Variants in CABIN1 observed in about 807,000 individuals in gnomAD.
CABIN1 encodes the protein calcineurin binding protein 1.
Under a neutral mutation model 227.7 loss-of-function variants are expected in CABIN1, and 133 were observed. That is an observed-to-expected ratio of 0.58 (90% CI 0.51 to 0.67). The LOEUF is 0.67. Among genes scored for constraint, CABIN1 ranks in the 30% least tolerant of loss-of-function variants. The pLI, the probability that CABIN1 is intolerant of heterozygous loss-of-function variation, is 0.00. For missense variants in CABIN1, 2,408 were observed against 2,852.5 expected (o/e 0.84, Z 3.55); for synonymous variants, 1,086 against 1,155.1 (o/e 0.94, Z 1.21).
At chr22:24,041,625 G>A (rs2037381374) in intron 5 of CABIN1, among the ~76,000 whole-genome samples, 3 of 152,198 alleles carry the variant, frequency 2.0e-5, no homozygotes, top group Non-Finnish European at 4.4e-5. Flanking sequence ...AAAGTTAAAT[G>A]AGTTGGTATG....
In CABIN1 at chr22:24,136,347, C is replaced by CTTT. The variant is rs71184947; in HGVS notation, c.4746+1953_4746+1955dup. Among the ~76,000 whole-genome samples, 149 of 113,190 alleles carry CTTT rather than the reference C, an allele frequency of 1.3e-3. 1 individual carries two copies. The highest frequency in any genetic ancestry group is 2.8e-3 in the African/African-American group (73 of 26,216). The allele number at this position is 113,190 out of a possible 152,430, so 74.3% of individuals were successfully genotyped here. A position where few individuals can be genotyped will look rare whatever the true frequency, so the allele number is the denominator to read the frequency against. On this transcript the variant is annotated intron_variant, in intron 29 of 36. Coordinates refer to ENST00000263119, the MANE Select transcript of CABIN1 (RefSeq NM_012295.4). ...CCCACAGTTTACCTAGCCATCCCTC[C>CTTT]TTTTTTTTTTTTTTTTTTTTTTTGA... is the stretch of plus-strand genomic sequence containing the variant.
At chr22:24,063,234 G>T in intron 14 of CABIN1, 88 bp downstream of exon 14, 1 of 1,265,974 alleles carries the variant, frequency 7.9e-7, no homozygotes, top group Non-Finnish European at 1.1e-6. Flanking sequence ...GTGTGTGTGT[G>T]TATGTGTGTG....
intron 29 of CABIN1, among the ~76,000 whole-genome samples, chr22:24,147,993 T>A (rs2045256979): frequency 6.6e-6 from 1 of 152,144 alleles, no homozygotes; most frequent in Non-Finnish European, 1.5e-5. Context: ...AGGAAGAGGC[T>A]GAGGGAGGGC....
intron 29 of CABIN1, among the ~76,000 whole-genome samples, chr22:24,143,161 GTA>G (rs778749220): frequency 3.3e-5 from 5 of 152,184 alleles, no homozygotes; most frequent in Non-Finnish European, 7.3e-5. Context: ...ACTTCACTAT[GTA>G]TAGTGTGGAA....
At chr22:24,131,974 G>A (rs2044101938) in intron 28 of CABIN1, among the ~76,000 whole-genome samples, 2 of 151,596 alleles carry the variant, frequency 1.3e-5, no homozygotes, top group Non-Finnish European at 2.9e-5. Context: ...GCTGAAGCAG[G>A]AGAATCACTT....
At chr22:24,118,571 G>A (rs567065483) in intron 27 of CABIN1, among the ~76,000 whole-genome samples, 41 of 152,278 alleles carry the variant, frequency 2.7e-4, no homozygotes, top group Middle Eastern at 3.4e-3. Flanking sequence ...GGCGTGCCGT[G>A]CTCCTGAGTG....
intron 15 of CABIN1, among the ~76,000 whole-genome samples, chr22:24,066,561 A>G (rs2039693392): frequency 6.6e-6 from 1 of 152,242 alleles, no homozygotes; most frequent in Admixed American, 6.5e-5. Context: ...AGAGCTGTCT[A>G]CATGCCAGGG....
intron 1 of CABIN1, among the ~76,000 whole-genome samples, chr22:24,017,839 A>G (rs925775575): frequency 5.3e-5 from 8 of 150,392 alleles, no homozygotes; most frequent in African/African-American, 2.0e-4. Context: ...CCTTTCGACT[A>G]TTGTAAGTAA....
Position 24,178,102 on chromosome 22 carries a change from T to C in CABIN1, c.6569T>C (p.Leu2190Pro), listed in dbSNP as rs760200994. 1.2e-6 allele frequency: 2 copies of C among 1,613,740 alleles called. No homozygotes were observed. Among genetic ancestry groups the C allele is most frequent in the Non-Finnish European group, 1.7e-6 (2 of 1,179,950 alleles). Residue 2190 changes from leucine to proline, a missense_variant, in exon 37 of 37, where the codon CTA becomes CCA. Physicochemically the swap from Leu to Pro is moderately conservative, Grantham distance 98 (BLOSUM62 -3). Transcript: ENST00000263119. The stretch of plus-strand genomic sequence containing the variant: ...GCTGCCAACGTGAGGAAGGAGAGCC[T>C]ATGCCAGCCAGCCCTGGAGGTCCTG... ...QSAANVRKES[L>P]CQPALEVLET...
At chr22:24,091,309 A>AG (rs2041526450) in intron 23 of CABIN1, among the ~76,000 whole-genome samples, 1 of 152,146 alleles carries the variant, frequency 6.6e-6, no homozygotes, top group Non-Finnish European at 1.5e-5. Flanking sequence ...TAGATGCTGC[A>AG]GGGGGAAAGC....
Position 24,091,761 on chromosome 22 carries a change from A to G in CABIN1, c.3704A>G (p.His1235Arg), listed in dbSNP as rs2041558884. Reference sequence around the variant, plus strand: ...TTGCTGCACTACAGGCAGGCTGGCCACTACCTGCACGAGGAGGCTGCCCGC... The same window carrying G: ...TTGCTGCACTACAGGCAGGCTGGCCGCTACCTGCACGAGGAGGCTGCCCGC... Reference protein sequence around the residue: ...VYLLHYRQAGHYLHEEAARYP... With the variant: ...VYLLHYRQAGRYLHEEAARYP... The change falls in exon 24 of 37, where the codon CAC (histidine) becomes CGC (arginine). Residue 1235 changes from histidine to arginine, a missense_variant. His to Arg is a conservative substitution (Grantham distance 29). Around this residue, in one of 3 missense-constraint regions of CABIN1, gnomAD observed 649 missense variants for 910.3 expected, o/e 0.71. Transcript: ENST00000263119. The G allele has an allele frequency of 1.2e-6, 2 of 1,614,012 alleles. No homozygotes were observed. Among genetic ancestry groups the G allele is most frequent in the Non-Finnish European group, 1.7e-6 (2 of 1,180,004 alleles).
intron 26 of CABIN1, among the ~76,000 whole-genome samples, chr22:24,110,663 A>T (rs950854851): frequency 3.3e-5 from 5 of 151,518 alleles, no homozygotes; most frequent in Admixed American, 6.6e-5. Flanking sequence ...CAATTTTTAG[A>T]TATTTTCACT....
intron 29 of CABIN1, among the ~76,000 whole-genome samples, chr22:24,149,990 C>T (rs1357778273): frequency 6.6e-6 from 1 of 152,250 alleles, no homozygotes; most frequent in African/African-American, 2.4e-5. Context: ...GGGGAAGGAA[C>T]CTGGCCCTGC....
chr22:24,083,407 G>T lies in CABIN1; in HGVS notation c.2910+18G>T. ...CCCAGCAGGTGAGGGTGCTGCAATA[G>T]GCCCAACAAAGAGGGAAGCAGGAGC... On this transcript the variant is annotated intron_variant, in intron 20 of 36. Coordinates refer to ENST00000263119, the MANE Select transcript of CABIN1 (RefSeq NM_012295.4). The T allele has an allele frequency of 1.9e-6, 3 of 1,613,636 alleles. No individual in the cohort carries two copies. The highest frequency in any genetic ancestry group is 2.5e-6 in the Non-Finnish European group (3 of 1,179,912).
In CABIN1 at chr22:24,059,415, T is replaced by A. The variant is rs192376806; in HGVS notation, c.1399+52T>A. 4.0e-5 allele frequency: 64 copies of A among 1,599,330 alleles called. No homozygotes were observed. The East Asian group carries it at 1.4e-3, about 34-fold the overall frequency. ...ACTTTGGGAATTCTTCTTCCCACTA[T>A]CCTATAACCTGCTTATGTTTTGTTC... On this transcript the variant is annotated intron_variant, in intron 11 of 36. Transcript: ENST00000263119.
intron 26 of CABIN1, 196 bp downstream of exon 26, chr22:24,098,388 G>T: frequency 8.2e-7 from 1 of 1,214,972 alleles, no homozygotes; most frequent in Non-Finnish European, 1.1e-6. Flanking sequence ...GCTCAGGGTC[G>T]CCACCTGCCA....
intron 33 of CABIN1, among the ~76,000 whole-genome samples, chr22:24,170,668 G>T (rs1254531239): frequency 6.6e-6 from 1 of 151,554 alleles, no homozygotes; most frequent in Non-Finnish European, 1.5e-5. Flanking sequence ...ACAGGGGCCC[G>T]TCCTGAACCA....
chr22:24,029,436 C>T (rs1446708157), intron 1 of CABIN1, among the ~76,000 whole-genome samples: 1 of 152,140 alleles, frequency 6.6e-6, no homozygotes, highest in African/African-American at 2.4e-5. Flanking sequence ...TTTGCAGTCC[C>T]AGCTACTGAG....
chr22:24,022,443 G>T (rs1257277896), intron 1 of CABIN1, among the ~76,000 whole-genome samples: 1 of 152,138 alleles, frequency 6.6e-6, no homozygotes, highest in Non-Finnish European at 1.5e-5. Flanking sequence ...TATATCAATT[G>T]TTTGTTCCTT....
Sources: allele counts gnomAD v4.1 joint callset (sites outside exome capture counted in the v4.1 genomes callset), GRCh38; gene constraint gnomAD v4.1.1; regional missense constraint gnomAD v4.1.1; transcripts MANE v1.5; gene names NCBI Gene and HGNC (gene_info 2026-07-23, HGNC 2026-07-21).